The following WWOX variants were observed in gnomAD, a reference collection of about 807,000 sequenced individuals.
The protein encoded by WWOX is WW domain containing oxidoreductase.
In WWOX, 69 loss-of-function variants were observed where a neutral mutation model predicts 46.2. The ratio of observed to expected loss-of-function variants is 1.49; its 90% confidence interval spans 1.23 to 1.82. The LOEUF is 1.82. Among genes scored for constraint, WWOX ranks in the 40% most tolerant of loss-of-function variants. WWOX has a pLI of 0.00. For missense variants in WWOX, 919 were observed against 542.6 expected (o/e 1.69, Z -6.89); for synonymous variants, 359 against 202.6 (o/e 1.77, Z -6.56).
chr16:78,172,121 T>A (rs571936821), intron 5 of WWOX, among the ~76,000 whole-genome samples: 35 of 152,302 alleles, frequency 2.3e-4, no homozygotes, highest in African/African-American at 8.4e-4. Context: ...AAGATTGGCC[T>A]TTTTCAAGGA....
chr16:79,144,123 T>G (rs2050141403), intron 8 of WWOX, among the ~76,000 whole-genome samples: 1 of 152,176 alleles, frequency 6.6e-6, no homozygotes, highest in Non-Finnish European at 1.5e-5. Flanking sequence ...TGTCTTGAAC[T>G]CCTGGCCTCA....
chr16:78,745,382 A>G (rs1597535503), intron 8 of WWOX, among the ~76,000 whole-genome samples: 2 of 151,546 alleles, frequency 1.3e-5, no homozygotes, highest in African/African-American at 4.9e-5. Context: ...ACATGAGCAT[A>G]TTTTTCATTC....
intron 8 of WWOX, among the ~76,000 whole-genome samples, chr16:79,051,041 A>G (rs776391506): frequency 6.6e-5 from 10 of 152,342 alleles, no homozygotes; most frequent in South Asian, 6.2e-4. Context: ...TTATAGCAGG[A>G]TTATTCCCAA....
At chr16:78,458,258 GT>G (rs78333090) in intron 8 of WWOX, among the ~76,000 whole-genome samples, 67,666 of 119,214 alleles carry the variant, frequency 0.57, 19,175 homozygotes, top group Non-Finnish European at 0.67. Context: ...CATTGGTATA[GT>G]TTTTTTTTTT....
At chr16:79,194,296 AT>A (rs1272019341) in intron 8 of WWOX, among the ~76,000 whole-genome samples, 2 of 152,206 alleles carry the variant, frequency 1.3e-5, no homozygotes, top group African/African-American at 4.8e-5. Flanking sequence ...TTCAAAGGAA[AT>A]TTGAGCATTC....
Position 78,763,120 on chromosome 16 carries a change from G to A in WWOX, c.1056+330368G>A, listed in dbSNP as rs111308427. ...CTGTGCCAAAGCACTATTGTAGGCTGTGGAGATAGGGAGCTGAAGTACTGA... is the reference window on the plus strand; with the variant it reads ...CTGTGCCAAAGCACTATTGTAGGCTATGGAGATAGGGAGCTGAAGTACTGA... On this transcript the variant is annotated intron_variant, in intron 8 of 8. Transcript: ENST00000566780. Among the ~76,000 whole-genome samples, 822 of 152,330 alleles carry A rather than the reference G, an allele frequency of 5.4e-3. 8 individuals are homozygous for A. The highest frequency in any genetic ancestry group is 0.018 in the African/African-American group (765 of 41,570).
intron 8 of WWOX, among the ~76,000 whole-genome samples, chr16:78,927,408 G>A (rs2134992): frequency 0.99 from 150,167 of 152,312 alleles, 74,058 homozygotes; most frequent in Non-Finnish European, 1. Context: ...TCTTATGTCT[G>A]TTATTACCAT....
intron 8 of WWOX, among the ~76,000 whole-genome samples, chr16:78,433,807 TG>T (rs1429706221): frequency 6.0e-5 from 7 of 116,858 alleles, no homozygotes; most frequent in Admixed American, 2.5e-4. Context: ...TTTTTTTTTT[TG>T]AGACGGAGTC....
intron 8 of WWOX, among the ~76,000 whole-genome samples, chr16:78,967,339 G>C (rs1203892164): frequency 1.6e-5 from 2 of 128,822 alleles, no homozygotes; most frequent in Non-Finnish European, 3.1e-5. Flanking sequence ...ACCCAGGCTG[G>C]AGTGCAGTGG....
chr16:78,959,779 G>A (rs572080457), intron 8 of WWOX, among the ~76,000 whole-genome samples: 1 of 152,276 alleles, frequency 6.6e-6, no homozygotes, highest in East Asian at 1.9e-4. Context: ...AGACAAGTGA[G>A]GGAAAGATGT....
intron 5 of WWOX, among the ~76,000 whole-genome samples, chr16:78,231,771 G>A (rs771733277): frequency 6.6e-6 from 1 of 152,140 alleles, no homozygotes; most frequent in Non-Finnish European, 1.5e-5. Flanking sequence ...GAAATCCAGG[G>A]TAGGAACGGG....
intron 8 of WWOX, among the ~76,000 whole-genome samples, chr16:78,511,967 C>T (rs962553531): frequency 6.6e-6 from 1 of 152,334 alleles, no homozygotes; most frequent in South Asian, 2.1e-4. Flanking sequence ...AAGATAGCAT[C>T]TCATAGATCC....
At chr16:78,689,605 G>A (rs976135664) in intron 8 of WWOX, among the ~76,000 whole-genome samples, 6 of 152,088 alleles carry the variant, frequency 3.9e-5, no homozygotes, top group Non-Finnish European at 8.8e-5. Flanking sequence ...CCTGCCTTCA[G>A]CAAAAATCCT....
At chr16:78,100,715 G>A (rs1193584545) in intron 1 of WWOX, among the ~76,000 whole-genome samples, 1 of 152,230 alleles carries the variant, frequency 6.6e-6, no homozygotes, top group Non-Finnish European at 1.5e-5. Flanking sequence ...ACGAGGGTCA[G>A]TTCAGGCACT....
chr16:78,307,986 G>C (rs2151871958), intron 5 of WWOX, among the ~76,000 whole-genome samples: 1 of 152,318 alleles, frequency 6.6e-6, no homozygotes, highest in East Asian at 1.9e-4. Context: ...TCTGGAATGT[G>C]GCAGCTGATG....
intron 6 of WWOX, among the ~76,000 whole-genome samples, chr16:78,411,479 G>A (rs2082678976): frequency 6.6e-6 from 1 of 152,166 alleles, no homozygotes; most frequent in Admixed American, 6.5e-5. Context: ...TTAATCAAGT[G>A]AGGGGCGTAC....
chr16:79,082,864 G>A (rs181031479), intron 8 of WWOX, among the ~76,000 whole-genome samples: 51 of 152,248 alleles, frequency 3.3e-4, no homozygotes, highest in African/African-American at 1.2e-3. Context: ...GTCCGCTGTT[G>A]TATGTGTAAT....
At chr16:78,658,732 G>A (rs2047138208) in intron 8 of WWOX, among the ~76,000 whole-genome samples, 1 of 152,032 alleles carries the variant, frequency 6.6e-6, no homozygotes, top group South Asian at 2.1e-4. Flanking sequence ...AGGGCTCACT[G>A]GAATCCAGGA....
chr16:78,513,874 A>G (rs1014725292), intron 8 of WWOX, among the ~76,000 whole-genome samples: 1 of 150,362 alleles, frequency 6.7e-6, no homozygotes, highest in African/African-American at 2.5e-5. Flanking sequence ...TGTTTTCTAA[A>G]TTTATATTAC....
Sources: allele counts gnomAD v4.1 joint callset (sites outside exome capture counted in the v4.1 genomes callset), GRCh38; gene constraint gnomAD v4.1.1; transcripts MANE v1.5; gene names NCBI Gene and HGNC (gene_info 2026-07-23, HGNC 2026-07-21).